SHISA6: variants seen among roughly 807,000 people sequenced by gnomAD.
SHISA6 encodes shisa family member 6, also known as protein shisa-6.
SHISA6 carries 22 observed loss-of-function variants against 47.9 expected under a neutral mutation model. That is an observed-to-expected ratio of 0.46 (90% CI 0.33 to 0.66). The LOEUF is 0.66. SHISA6 is among the 30% of genes least tolerant of loss of function. SHISA6 has a pLI of 0.02. For missense variants in SHISA6, 680 were observed against 764.6 expected, an observed-to-expected ratio of 0.89 and a Z score of 1.30; for synonymous variants, 388 against 337.8, an observed-to-expected ratio of 1.15 and a Z score of -1.63.
At chr17:11,392,426 A>T (rs941006034) in intron 3 of SHISA6, among the ~76,000 whole-genome samples, 6 of 152,162 alleles carry the variant, frequency 3.9e-5, no homozygotes, top group African/African-American at 1.4e-4. Context: ...TTGTTGTCCC[A>T]TCGGGGTGAG....
At chr17:11,439,838 G>C (rs1915051198) in intron 3 of SHISA6, among the ~76,000 whole-genome samples, 1 of 152,164 alleles carries the variant, frequency 6.6e-6, no homozygotes, top group Admixed American at 6.5e-5. Context: ...TTTGGGGAGA[G>C]AGTTTTACGG....
chr17:11,396,218 C>A (rs1009196188), intron 3 of SHISA6, among the ~76,000 whole-genome samples: 1 of 152,138 alleles, frequency 6.6e-6, no homozygotes, highest in African/African-American at 2.4e-5. Flanking sequence ...CCTAATCTTG[C>A]AGTCTTGGAA....
At chr17:11,342,081 C>T (rs1479663287) in intron 2 of SHISA6, among the ~76,000 whole-genome samples, 1 of 152,036 alleles carries the variant, frequency 6.6e-6, no homozygotes, top group Non-Finnish European at 1.5e-5. Flanking sequence ...GACTTCTCTG[C>T]CAGTATCTCT....
intron 3 of SHISA6, among the ~76,000 whole-genome samples, chr17:11,428,779 CTTTT>C (rs34920362): frequency 2.1e-5 from 2 of 96,058 alleles, no homozygotes; most frequent in African/African-American, 8.7e-5. Context: ...GATCCACTTT[CTTTT>C]TTTTTTTTTT....
intron 3 of SHISA6, among the ~76,000 whole-genome samples, chr17:11,387,358 A>C (rs1913231108): frequency 6.6e-6 from 1 of 152,146 alleles, no homozygotes; most frequent in African/African-American, 2.4e-5. Context: ...TCAAGGCTGG[A>C]AAAGTGACCA....
chr17:11,329,890 T>C (rs962030027), intron 2 of SHISA6, among the ~76,000 whole-genome samples: 1 of 152,022 alleles, frequency 6.6e-6, no homozygotes, highest in Non-Finnish European at 1.5e-5. Context: ...AGTGATGCTT[T>C]TCTCTCTTTC....
Position 11,551,828 on chromosome 17 carries a change from C to A in SHISA6, c.896-68C>A. On this transcript the variant is annotated intron_variant, in intron 3 of 5. Coordinates refer to ENST00000441885, the MANE Select transcript of SHISA6 (RefSeq NM_207386.4). ...AGCACATTAGAGGTAAAGAGAGATG[C>A]TGTTATGTTGGAGAGATAGTGGAAT... 2.3e-6 allele frequency: 3 copies of A among 1,316,840 alleles called. No homozygotes were observed. The Admixed American group carries it at 5.9e-5, about 26-fold the overall frequency. The allele number at this position is 1,316,840 out of a possible 1,614,324, so 81.6% of individuals were successfully genotyped here. A position where few individuals can be genotyped will look rare whatever the true frequency, so the allele number is the denominator to read the frequency against.
chr17:11,294,570 A>G (rs565426340), intron 2 of SHISA6, among the ~76,000 whole-genome samples: 3 of 152,192 alleles, frequency 2.0e-5, no homozygotes, highest in Non-Finnish European at 4.4e-5. Flanking sequence ...GTTTGTTCCC[A>G]AATGAGACAA....
chr17:11,350,189 T>A (rs534160320), intron 2 of SHISA6, among the ~76,000 whole-genome samples: 9,669 of 137,148 alleles, frequency 0.071, 601 homozygotes, highest in East Asian at 0.21. Flanking sequence ...TTTATTTTTT[T>A]TTTTTTTTGA....
intron 2 of SHISA6, among the ~76,000 whole-genome samples, chr17:11,362,709 T>G (rs532996081): frequency 6.6e-6 from 1 of 152,172 alleles, no homozygotes; most frequent in Non-Finnish European, 1.5e-5. Context: ...TGTAAGACTG[T>G]TTTAAGTGTT....
At chr17:11,359,803 A>G (rs1338171185) in intron 2 of SHISA6, among the ~76,000 whole-genome samples, 1 of 152,228 alleles carries the variant, frequency 6.6e-6, no homozygotes, top group Non-Finnish European at 1.5e-5. Flanking sequence ...TACAAGCAAC[A>G]GCAACAAAAA....
intron 3 of SHISA6, among the ~76,000 whole-genome samples, chr17:11,464,008 C>T (rs1192795787): frequency 3.3e-5 from 5 of 152,154 alleles, no homozygotes; most frequent in African/African-American, 1.2e-4. Flanking sequence ...CCTCAGCCTC[C>T]TGGACTCAAG....
intron 3 of SHISA6, among the ~76,000 whole-genome samples, chr17:11,490,169 G>C (rs561383901): frequency 6.6e-6 from 1 of 152,166 alleles, no homozygotes; most frequent in South Asian, 2.1e-4. Flanking sequence ...CAAGGCATTG[G>C]CCTGCGCTCA....
chr17:11,269,800 A>G (rs1908572294), intron 2 of SHISA6, among the ~76,000 whole-genome samples: 1 of 152,176 alleles, frequency 6.6e-6, no homozygotes, highest in Non-Finnish European at 1.5e-5. Flanking sequence ...ACTGAGGCAC[A>G]CAGGGGTCAC....
chr17:11,499,683 C>CTTTTTTTTTT (rs372464937), intron 3 of SHISA6, among the ~76,000 whole-genome samples: 54 of 127,460 alleles, frequency 4.2e-4, no homozygotes, highest in African/African-American at 5.2e-4. Context: ...CTTTTTCTTT[C>CTTTTTTTTTT]TTTTTTTTTT....
chr17:11,391,132 G>T (rs1913375086), intron 3 of SHISA6, among the ~76,000 whole-genome samples: 1 of 152,188 alleles, frequency 6.6e-6, no homozygotes, highest in African/African-American at 2.4e-5. Context: ...ACAAAGACAT[G>T]ATCATGGAAA....
chr17:11,282,540 C>T (rs1909158330), intron 2 of SHISA6, among the ~76,000 whole-genome samples: 1 of 152,004 alleles, frequency 6.6e-6, no homozygotes, highest in Non-Finnish European at 1.5e-5. Context: ...TAATGCTATC[C>T]CTCCCCCAGT....
At chr17:11,520,692 C>T (rs965264009) in intron 3 of SHISA6, among the ~76,000 whole-genome samples, 3 of 152,118 alleles carry the variant, frequency 2.0e-5, no homozygotes, top group African/African-American at 7.2e-5. Flanking sequence ...ATTTCCCTCT[C>T]TCGCTCCTCT....
chr17:11,521,509 C>T (rs190171930), intron 3 of SHISA6, among the ~76,000 whole-genome samples: 7 of 152,096 alleles, frequency 4.6e-5, no homozygotes, highest in Non-Finnish European at 7.3e-5. Flanking sequence ...TGAAGGCAGG[C>T]GCAGTGGTTC....
Sources: allele counts gnomAD v4.1 joint callset (sites outside exome capture counted in the v4.1 genomes callset), GRCh38; gene constraint gnomAD v4.1.1; transcripts MANE v1.5; gene names NCBI Gene and HGNC (gene_info 2026-07-23, HGNC 2026-07-21).